WWOX: variants seen among roughly 807,000 people sequenced by gnomAD.
WWOX encodes the protein WW domain-containing oxidoreductase.
Under a neutral mutation model 46.2 loss-of-function variants are expected in WWOX, and 69 were observed. The observed-to-expected ratio is 1.49, with a 90% confidence interval of 1.23 to 1.82. WWOX has a LOEUF of 1.82. Ranked by LOEUF, WWOX falls within the 40% of genes most tolerant of loss-of-function variation. WWOX has a pLI of 0.00. For missense variants in WWOX, 919 were observed against 542.6 expected (o/e 1.69, Z -6.89); for synonymous variants, 359 against 202.6 (o/e 1.77, Z -6.56).
At chr16:79,135,816 G>A (rs914212929) in intron 8 of WWOX, among the ~76,000 whole-genome samples, 1 of 152,120 alleles carries the variant, frequency 6.6e-6, no homozygotes, top group Non-Finnish European at 1.5e-5. Context: ...TGTGAGTGAT[G>A]TTGGGTAGAT....
chr16:78,342,772 C>G (rs73576486), intron 5 of WWOX, among the ~76,000 whole-genome samples: 2,002 of 120,774 alleles, frequency 0.017, 469 homozygotes, highest in African/African-American at 0.054. Context: ...TACCTAAAAA[C>G]AAGCCACCAG....
At chr16:78,376,092 C>G (rs1297878245) in intron 5 of WWOX, among the ~76,000 whole-genome samples, 2 of 152,066 alleles carry the variant, frequency 1.3e-5, no homozygotes, top group African/African-American at 4.8e-5. Context: ...TCAAGTGATC[C>G]ACCCGCTTCA....
intron 8 of WWOX, among the ~76,000 whole-genome samples, chr16:79,084,131 G>C (rs534783173): frequency 1.3e-5 from 2 of 152,120 alleles, no homozygotes; most frequent in Admixed American, 6.6e-5. Context: ...AGCTGATTGA[G>C]GAGACCAAAG....
Position 78,099,883 on chromosome 16 carries a change from C to T in WWOX, c.105C>T (p.Ala35=). The change falls in exon 1 of 9, where the codon GCC becomes GCT. Residue 35 remains alanine, a splice_region_variant and synonymous_variant. Transcript: ENST00000566780. ...CCAAGGACGGCTGGGTTTACTACGC[C>T]AAGTAAGGGGGCCGCAGTGGGGCCG... The part of the protein sequence containing the change: ...RTTKDGWVYY[A]NHTEEKTQWE... 2 of 1,563,518 alleles carry T rather than the reference C, an allele frequency of 1.3e-6. No individual in the cohort carries two copies. Among genetic ancestry groups the T allele is most frequent in the South Asian group, 2.4e-5 (2 of 84,482 alleles).
At chr16:78,138,260 C>T (rs1438313035) in intron 4 of WWOX, among the ~76,000 whole-genome samples, 5 of 150,804 alleles carry the variant, frequency 3.3e-5, no homozygotes, top group Admixed American at 3.3e-4. Flanking sequence ...AATGACTTAC[C>T]TCTTTTTAGT....
chr16:78,767,482 C>CTG (rs3051061), intron 8 of WWOX, among the ~76,000 whole-genome samples: 58,685 of 142,892 alleles, frequency 0.41, 12,539 homozygotes, highest in Middle Eastern at 0.57. Flanking sequence ...GTGTGTGTGT[C>CTG]TGTGTGTGTG....
Position 78,579,999 on chromosome 16 carries a change from C to T in WWOX, c.1056+147247C>T, listed in dbSNP as rs189801487. On this transcript the variant is annotated intron_variant, in intron 8 of 8. Transcript: ENST00000566780. Reference sequence around the variant, plus strand: ...GCCAGCGTTTAAGGCGCTTGCTCTTCTTTGTGCACATTCCTGCTTTTCTCA... The same window carrying T: ...GCCAGCGTTTAAGGCGCTTGCTCTTTTTTGTGCACATTCCTGCTTTTCTCA... Among the ~76,000 whole-genome samples the T allele has an allele frequency of 3.2e-3, 489 of 152,126 alleles. 1 individual carries two copies. The highest frequency in any genetic ancestry group is 5.5e-3 in the Non-Finnish European group (375 of 68,018).
At chr16:78,596,834 C>T (rs539915328) in intron 8 of WWOX, among the ~76,000 whole-genome samples, 1 of 152,174 alleles carries the variant, frequency 6.6e-6, no homozygotes, top group Non-Finnish European at 1.5e-5. Context: ...CTACTGTGAT[C>T]TCAGCAGTGA....
intron 8 of WWOX, among the ~76,000 whole-genome samples, chr16:78,814,970 A>G (rs1175067671): frequency 1.3e-5 from 2 of 152,158 alleles, no homozygotes; most frequent in Non-Finnish European, 1.5e-5. Flanking sequence ...GGTTGGATTT[A>G]GCAATTTAAT....
rs377191055 is a variant in WWOX at position 78,424,908 on chromosome 16, C to G, written c.644C>G (p.Ala215Gly). 3.1e-6 allele frequency: 5 copies of G among 1,614,020 alleles called. No homozygotes were observed. The highest frequency in any genetic ancestry group is 2.2e-5 in the South Asian group (2 of 91,084). Residue 215 changes from alanine (A) to glycine (G), a missense_variant, in exon 7 of 9, where the codon GCT (alanine) becomes GGT (glycine). By Grantham distance (60) the Ala-to-Gly change is moderately conservative (BLOSUM62 0). Coordinates refer to ENST00000566780, the MANE Select transcript of WWOX (RefSeq NM_016373.4). Reference sequence around the variant, plus strand: ...CTTGTGTGCAACGCAGCAACTTTTGCTCTACCCTGGAGTCTCACCAAAGAT... The same window carrying G: ...CTTGTGTGCAACGCAGCAACTTTTGGTCTACCCTGGAGTCTCACCAAAGAT... ...HVLVCNAATF[A>G]LPWSLTKDGL...
In WWOX at chr16:79,212,310, C is replaced by G. The variant is rs2051792399; in HGVS notation, c.*514C>G. 3 of 879,002 alleles carry G rather than the reference C, an allele frequency of 3.4e-6. No homozygotes were observed. Among genetic ancestry groups the G allele is most frequent in the Admixed American group, 3.0e-5 (1 of 33,760 alleles). 54.5% of individuals were successfully genotyped at this position (879,002 alleles called of 1,614,324 possible). On this transcript the variant is annotated 3_prime_UTR_variant, in exon 9 of 9. Transcript: ENST00000566780. Reference sequence around the variant, plus strand: ...GCCAGCTTAGCAACTGCTGGGGAGACAAATCTCAGAACCTTGTCCCAGCCA... The same window carrying G: ...GCCAGCTTAGCAACTGCTGGGGAGAGAAATCTCAGAACCTTGTCCCAGCCA...
chr16:78,694,617 C>T (rs1039928723), intron 8 of WWOX, among the ~76,000 whole-genome samples: 7 of 152,196 alleles, frequency 4.6e-5, no homozygotes, highest in Admixed American at 3.9e-4. Context: ...TCACATTAAC[C>T]AGCAAAGGCA....
At chr16:78,422,479 G>A (rs1016809012) in intron 6 of WWOX, among the ~76,000 whole-genome samples, 1 of 150,094 alleles carries the variant, frequency 6.7e-6, no homozygotes, top group African/African-American at 2.4e-5. Flanking sequence ...GAAGTAGCTG[G>A]GACTACAGCC....
At chr16:78,284,037 G>A (rs1182061419) in intron 5 of WWOX, among the ~76,000 whole-genome samples, 1 of 152,148 alleles carries the variant, frequency 6.6e-6, no homozygotes, top group Non-Finnish European at 1.5e-5. Context: ...TCTGAGATTT[G>A]TATCTCGTTA....
At chr16:78,850,287 T>C (rs769906273) in intron 8 of WWOX, among the ~76,000 whole-genome samples, 2 of 152,202 alleles carry the variant, frequency 1.3e-5, no homozygotes, top group Non-Finnish European at 2.9e-5. Flanking sequence ...CATTCAGATT[T>C]TCCCCTATGA....
At chr16:78,631,280 C>T (rs1240388773) in intron 8 of WWOX, among the ~76,000 whole-genome samples, 2 of 152,074 alleles carry the variant, frequency 1.3e-5, no homozygotes, top group African/African-American at 4.8e-5. Context: ...ACCCAAGATT[C>T]TCCGTGGCTT....
intron 8 of WWOX, among the ~76,000 whole-genome samples, chr16:78,586,662 T>G (rs2045216302): frequency 6.6e-6 from 1 of 152,228 alleles, no homozygotes; most frequent in Non-Finnish European, 1.5e-5. Flanking sequence ...ATTAAGTGCC[T>G]GTTGAATGTG....
intron 8 of WWOX, among the ~76,000 whole-genome samples, chr16:78,917,878 T>G (rs1327108404): frequency 6.6e-6 from 1 of 152,296 alleles, no homozygotes; most frequent in East Asian, 1.9e-4. Flanking sequence ...AAGTGAGATC[T>G]TGTTTTTTAA....
rs566807646 is a variant in WWOX at position 78,129,464 on chromosome 16, C to A, written c.409+14310C>A. The stretch of plus-strand genomic sequence containing the variant: ...TGTGTATCTAAACATAGAAATGGTT[C>A]AGTAAAAATACAGTGTTGTAATCTT... On this transcript the variant is annotated intron_variant, in intron 4 of 8. Transcript: ENST00000566780. 7.2e-5 allele frequency among the ~76,000 whole-genome samples: 11 copies of A among 152,236 alleles called. No homozygotes were observed. In the East Asian group the frequency reaches 2.1e-3, roughly 29 times the overall value.
Sources: allele counts gnomAD v4.1 joint callset (sites outside exome capture counted in the v4.1 genomes callset), GRCh38; gene constraint gnomAD v4.1.1; transcripts MANE v1.5; gene names NCBI Gene and HGNC (gene_info 2026-07-23, HGNC 2026-07-21).